DLG2: variants seen among roughly 807,000 people sequenced by gnomAD.
DLG2 encodes discs large MAGUK scaffold protein 2.
A neutral mutation model predicts 132.5 loss-of-function variants in DLG2; 45 were observed. The ratio of observed to expected loss-of-function variants is 0.34; its 90% CI spans 0.27 to 0.44. The LOEUF is 0.44. Ranked by LOEUF, DLG2 falls within the 20% of genes least tolerant of loss-of-function variation. DLG2 has a pLI of 1.00. For missense variants in DLG2, 1,045 were observed against 1,196.9 expected, an observed-to-expected ratio of 0.87 and a Z score of 1.87; for synonymous variants, 424 against 419.6, an observed-to-expected ratio of 1.01 and a Z score of -0.13.
intron 7 of DLG2, among the ~76,000 whole-genome samples, chr11:84,304,995 G>A (rs1460109066): frequency 6.6e-6 from 1 of 151,974 alleles, no homozygotes. Context: ...TGATACAACT[G>A]ACTACACATA....
intron 4 of DLG2, among the ~76,000 whole-genome samples, chr11:85,226,279 C>G (rs1463247690): frequency 6.7e-6 from 1 of 148,862 alleles, no homozygotes; most frequent in South Asian, 2.1e-4. Context: ...TGGATGGATG[C>G]ATAGATGGAT....
intron 4 of DLG2, among the ~76,000 whole-genome samples, chr11:85,160,965 T>C (rs1050842987): frequency 6.6e-6 from 1 of 152,156 alleles, no homozygotes; most frequent in Non-Finnish European, 1.5e-5. Context: ...ACACTTTGCA[T>C]GGAAGGAGAA....
chr11:83,594,498 C>T (rs1227007551), intron 19 of DLG2, among the ~76,000 whole-genome samples: 1 of 152,062 alleles, frequency 6.6e-6, no homozygotes, highest in Non-Finnish European at 1.5e-5. Context: ...TTTAAACTGA[C>T]AACATGCTTA....
chr11:83,549,529 T>G (rs55993102), intron 19 of DLG2, among the ~76,000 whole-genome samples: 12,053 of 152,264 alleles, frequency 0.079, 711 homozygotes, highest in Non-Finnish European at 0.11. Flanking sequence ...GATGAGCAAG[T>G]GTCCCACAAG....
intron 6 of DLG2, among the ~76,000 whole-genome samples, chr11:84,813,904 C>T (rs2076832900): frequency 6.6e-6 from 1 of 152,050 alleles, no homozygotes; most frequent in South Asian, 2.1e-4. Context: ...ACTTTTCTTG[C>T]TCTTCTATCA....
intron 6 of DLG2, among the ~76,000 whole-genome samples, chr11:84,721,770 G>A (rs2061863244): frequency 6.6e-6 from 1 of 152,098 alleles, no homozygotes; most frequent in Non-Finnish European, 1.5e-5. Flanking sequence ...TGCTAGATGT[G>A]GCTTTGTGTA....
At chr11:84,810,461 G>C (rs140259399) in intron 6 of DLG2, among the ~76,000 whole-genome samples, 1 of 152,196 alleles carries the variant, frequency 6.6e-6, no homozygotes, top group Non-Finnish European at 1.5e-5. Context: ...ATACAAAATG[G>C]TTAAAGTAAA....
intron 8 of DLG2, among the ~76,000 whole-genome samples, chr11:84,177,797 A>G (rs188245193): frequency 1.3e-5 from 2 of 152,278 alleles, no homozygotes; most frequent in East Asian, 3.9e-4. Flanking sequence ...ATTTAAATAA[A>G]TTAGTAAAAT....
At chr11:84,628,152 G>A (rs1397730364) in intron 6 of DLG2, among the ~76,000 whole-genome samples, 2 of 151,164 alleles carry the variant, frequency 1.3e-5, no homozygotes, top group African/African-American at 4.9e-5. Context: ...ATATACCCCC[G>A]AGGAGGTTAT....
At chr11:83,483,156 C>CT in intron 22 of DLG2, 1 of 946,566 alleles carries the variant, frequency 1.1e-6, no homozygotes, top group Non-Finnish European at 1.7e-6. Flanking sequence ...CTTGTGCATG[C>CT]TAGGAGTGAA....
intron 8 of DLG2, among the ~76,000 whole-genome samples, chr11:84,194,344 G>T (rs1201841175): frequency 3.9e-5 from 6 of 152,138 alleles, no homozygotes; most frequent in Non-Finnish European, 7.4e-5. Context: ...TGTGCCCGGA[G>T]TTTCTTTCTT....
intron 3 of DLG2, among the ~76,000 whole-genome samples, chr11:85,449,994 G>A (rs879929728): frequency 6.6e-6 from 1 of 152,020 alleles, no homozygotes; most frequent in Non-Finnish European, 1.5e-5. Context: ...GGGCATGATG[G>A]TGCATGCCTG....
At chr11:84,081,044 T>C (rs1355515994) in intron 10 of DLG2, among the ~76,000 whole-genome samples, 1 of 151,920 alleles carries the variant, frequency 6.6e-6, no homozygotes, top group Non-Finnish European at 1.5e-5. Flanking sequence ...TGGTCTACAT[T>C]CCTCTGTTAA....
At chr11:85,224,985 G>C (rs1447461273) in intron 4 of DLG2, among the ~76,000 whole-genome samples, 1 of 152,094 alleles carries the variant, frequency 6.6e-6, no homozygotes, top group South Asian at 2.1e-4. Context: ...GATTAGAGAA[G>C]AGTGCCAACT....
At chr11:84,623,300 A>G (rs560638693) in intron 6 of DLG2, among the ~76,000 whole-genome samples, 19 of 152,182 alleles carry the variant, frequency 1.2e-4, no homozygotes, top group African/African-American at 4.6e-4. Flanking sequence ...AGACCTTCTG[A>G]TCTCCCCGAC....
At chr11:84,251,830 G>A (rs1412418736) in intron 7 of DLG2, among the ~76,000 whole-genome samples, 3 of 151,482 alleles carry the variant, frequency 2.0e-5, no homozygotes, top group South Asian at 2.1e-4. Context: ...TAGTAGAGAC[G>A]GGGTTTCCCA....
At chr11:85,207,761 CT>C (rs762645296) in intron 4 of DLG2, among the ~76,000 whole-genome samples, 15 of 152,028 alleles carry the variant, frequency 9.9e-5, no homozygotes, top group Non-Finnish European at 1.8e-4. Context: ...ATGGAACTTT[CT>C]TATCACTACT....
chr11:84,364,301 GCTCT>G (rs1314859557), intron 7 of DLG2, among the ~76,000 whole-genome samples: 1 of 151,894 alleles, frequency 6.6e-6, no homozygotes, highest in Non-Finnish European at 1.5e-5. Context: ...TCATGATTTG[GCTCT>G]CTGTTTGTCT....
At chr11:84,593,896 C>A (rs1366242269) in intron 6 of DLG2, among the ~76,000 whole-genome samples, 1 of 152,154 alleles carries the variant, frequency 6.6e-6, no homozygotes, top group East Asian at 1.9e-4. Context: ...GAAGACTGAG[C>A]AATTATTCAA....
Sources: allele counts gnomAD v4.1 joint callset (sites outside exome capture counted in the v4.1 genomes callset), GRCh38; gene constraint gnomAD v4.1.1; transcripts MANE v1.5; gene names NCBI Gene and HGNC (gene_info 2026-07-23, HGNC 2026-07-21).